Variants in KCTD1 observed in about 807,000 individuals in gnomAD.
KCTD1 encodes the protein BTB/POZ domain-containing protein KCTD1.
In KCTD1, 24 loss-of-function variants were observed where a neutral mutation model predicts 66.0. The ratio of observed to expected loss-of-function variants is 0.36; its 90% CI spans 0.26 to 0.51. The LOEUF (loss-of-function observed/expected upper bound fraction) is 0.51, where lower values mean the gene tolerates loss of function less well. KCTD1 is among the 20% of genes least tolerant of loss of function. The probability of loss-of-function intolerance (pLI) is 0.95; values close to 1 mark genes in which losing one functional copy is unlikely to be tolerated. For missense variants in KCTD1, 943 were observed against 1,205.2 expected (o/e 0.78, Z 3.22); for synonymous variants, 511 against 517.2 (o/e 0.99, Z 0.16).
intron 1 of KCTD1, among the ~76,000 whole-genome samples, chr18:26,510,140 G>C (rs191080687): frequency 5.3e-5 from 8 of 152,294 alleles, no homozygotes; most frequent in Admixed American, 1.3e-4. Flanking sequence ...GAGCGGCAAG[G>C]CCCAACAAAA....
At chr18:26,493,014 A>AT (rs764369784) in intron 2 of KCTD1, among the ~76,000 whole-genome samples, 58 of 152,172 alleles carry the variant, frequency 3.8e-4, no homozygotes, top group Non-Finnish European at 7.2e-4. Context: ...CCAATCATTA[A>AT]TTTATACATT....
At chr18:26,478,618 T>C (rs138479949) in intron 2 of KCTD1, among the ~76,000 whole-genome samples, 12 of 152,354 alleles carry the variant, frequency 7.9e-5, no homozygotes, top group Admixed American at 2.0e-4. Flanking sequence ...TAGACTTGGA[T>C]GTACGCTTGC....
intron 1 of KCTD1, among the ~76,000 whole-genome samples, chr18:26,527,500 G>A (rs1277372328): frequency 6.8e-6 from 1 of 147,874 alleles, no homozygotes; most frequent in Non-Finnish European, 1.5e-5. Flanking sequence ...AAAGGGGGGG[G>A]GGCGTGGGAG....
intron 1 of KCTD1, among the ~76,000 whole-genome samples, chr18:26,594,464 T>C (rs891407363): frequency 6.6e-6 from 1 of 152,200 alleles, no homozygotes; most frequent in African/African-American, 2.4e-5. Context: ...TCTTTTAAAG[T>C]TAAGAATATA....
chr18:26,483,190 G>T (rs1401389206), intron 2 of KCTD1, among the ~76,000 whole-genome samples: 2 of 152,194 alleles, frequency 1.3e-5, no homozygotes, highest in African/African-American at 4.8e-5. Flanking sequence ...CAAAACAGAA[G>T]AACAATCTGC....
chr18:26,484,664 T>C (rs188414695), intron 2 of KCTD1, among the ~76,000 whole-genome samples: 311 of 152,308 alleles, frequency 2.0e-3, no homozygotes, highest in Middle Eastern at 3.4e-3. Context: ...TGTTTCTTCA[T>C]TTACTGAATG....
intron 1 of KCTD1, among the ~76,000 whole-genome samples, chr18:26,646,142 A>C (rs1310962765): frequency 2.0e-5 from 3 of 152,236 alleles, no homozygotes; most frequent in Non-Finnish European, 1.5e-5. Flanking sequence ...CCTAATTAAT[A>C]CATCAAGTCA....
At chr18:26,498,845 T>C (rs1982611267) in intron 2 of KCTD1, among the ~76,000 whole-genome samples, 2 of 152,308 alleles carry the variant, frequency 1.3e-5, no homozygotes, top group South Asian at 2.1e-4. Context: ...AATGGGACAC[T>C]ATTTGAAGTC....
At chr18:26,627,431 G>A (rs568081815) in intron 1 of KCTD1, among the ~76,000 whole-genome samples, 1 of 152,236 alleles carries the variant, frequency 6.6e-6, no homozygotes, top group Non-Finnish European at 1.5e-5. Flanking sequence ...GTCATTCATT[G>A]TGGGGTCAAA....
intron 1 of KCTD1, among the ~76,000 whole-genome samples, chr18:26,593,408 G>GGAGGAGGAAGAT (rs1568003581): frequency 7.2e-5 from 6 of 83,824 alleles, no homozygotes; most frequent in Non-Finnish European, 1.5e-4. Context: ...AGGAAGATGA[G>GGAGGAGGAAGAT]GAGGAGAAGG....
intron 3 of KCTD1, among the ~76,000 whole-genome samples, chr18:26,475,570 G>T (rs1981299672): frequency 6.6e-6 from 1 of 152,172 alleles, no homozygotes; most frequent in Non-Finnish European, 1.5e-5. Context: ...CTATTGACTG[G>T]CTGGGCACAG....
intron 1 of KCTD1, chr18:26,599,426 T>C: frequency 6.2e-7 from 1 of 1,611,890 alleles, no homozygotes; most frequent in Non-Finnish European, 8.5e-7. Flanking sequence ...TTGGGATCTC[T>C]GCTGGCCAGT....
intron 2 of KCTD1, among the ~76,000 whole-genome samples, chr18:26,500,745 G>A (rs569430410): frequency 6.6e-6 from 1 of 152,254 alleles, no homozygotes; most frequent in South Asian, 2.1e-4. Flanking sequence ...TTTTAAAGAA[G>A]GAAGGAACAA....
chr18:26,563,465 T>C (rs921334882), intron 1 of KCTD1, among the ~76,000 whole-genome samples: 2 of 152,206 alleles, frequency 1.3e-5, no homozygotes, highest in Non-Finnish European at 2.9e-5. Context: ...CTACCTTGAC[T>C]CTTATGCCCT....
chr18:26,625,026 T>C (rs556877893), intron 1 of KCTD1, among the ~76,000 whole-genome samples: 20 of 152,330 alleles, frequency 1.3e-4, no homozygotes, highest in African/African-American at 4.8e-4. Flanking sequence ...CAGACTTGTG[T>C]GGGACCTGTA....
At chr18:26,636,259 G>A (rs1987721543) in intron 1 of KCTD1, among the ~76,000 whole-genome samples, 1 of 152,188 alleles carries the variant, frequency 6.6e-6, no homozygotes, top group East Asian at 1.9e-4. Flanking sequence ...TTTCATGGCG[G>A]TCTGGTTGCT....
intron 1 of KCTD1, among the ~76,000 whole-genome samples, chr18:26,638,139 G>A (rs1344429961): frequency 6.6e-6 from 1 of 152,148 alleles, no homozygotes; most frequent in Non-Finnish European, 1.5e-5. Flanking sequence ...ATACATGCAG[G>A]TAATAAAGTG....
At chr18:26,544,789 C>G (rs1321547800) in intron 1 of KCTD1, 1 of 152,202 alleles carries the variant, frequency 6.6e-6, no homozygotes, top group African/African-American at 2.4e-5. Context: ...AAGTGAAAAG[C>G]TGACTACTAA....
chr18:26,544,200 G>C, intron 1 of KCTD1: 1 of 152,044 alleles, frequency 6.6e-6, no homozygotes, highest in East Asian at 1.9e-4. Context: ...CAGTTAAAGC[G>C]ACCATCACAA....
Sources: gnomAD v4.1 joint callset for allele counts (sites outside exome capture counted in the v4.1 genomes callset) on GRCh38, gnomAD v4.1.1 for gene constraint, MANE v1.5 for transcripts, NCBI Gene and HGNC (gene_info 2026-07-23, HGNC 2026-07-21) for gene names.